The following EYS variants were observed in gnomAD, a reference collection of about 807,000 sequenced individuals.
The protein encoded by EYS is EGF-like photoreceptor maintenance factor, also known as protein eyes shut homolog.
A neutral mutation model predicts 282.1 loss-of-function variants in EYS; 250 were observed. The observed-to-expected ratio is 0.89, with a 90% CI of 0.80 to 0.98. The LOEUF is 0.98. Among genes scored for constraint, EYS ranks in the 50% least tolerant of loss-of-function variants. EYS has a pLI of 0.00. For missense variants in EYS, 4,016 were observed against 3,709.0 expected (o/e 1.08, Z -2.15); for synonymous variants, 1,355 against 1,282.9 (o/e 1.06, Z -1.20).
At chr6:64,421,753 T>A (rs1439455844) in intron 28 of EYS, among the ~76,000 whole-genome samples, 1 of 152,174 alleles carries the variant, frequency 6.6e-6, no homozygotes, top group Non-Finnish European at 1.5e-5. Context: ...ATCACCAATC[T>A]TTTGTAATAA....
chr6:64,810,935 G>A (rs1764572882), intron 22 of EYS, among the ~76,000 whole-genome samples: 1 of 151,952 alleles, frequency 6.6e-6, no homozygotes, highest in African/African-American at 2.4e-5. Flanking sequence ...AGAGTGACAT[G>A]ATTCTTTTTG....
chr6:65,694,329 T>C (rs781156492), intron 1 of EYS, among the ~76,000 whole-genome samples: 11 of 149,800 alleles, frequency 7.3e-5, no homozygotes, highest in Non-Finnish European at 1.5e-4. Context: ...TAAACTAGTA[T>C]GTAAATATTT....
chr6:65,494,949 A>G lies in EYS; in HGVS notation c.462T>C (p.Ser154=), dbSNP rs1291530765. The stretch of plus-strand genomic sequence containing the variant: ...GTCCCAGTGGACAAGGTGATGGACC[A>G]CTTGCCATAACTGTGATAAAATAAT... The part of the protein sequence containing the change: ...GTHYFITVMA[S]GPSPCPLGLR... The change falls in exon 4 of 43, where the codon AGT becomes AGC. Residue 154 remains serine (S), a synonymous_variant. Transcript: ENST00000503581. 5.6e-6 allele frequency: 9 copies of G among 1,614,064 alleles called. No homozygotes were observed. The highest frequency in any genetic ancestry group is 5.3e-5 in the African/African-American group (4 of 74,942).
chr6:64,836,443 T>C (rs1016138783), intron 19 of EYS, among the ~76,000 whole-genome samples: 4 of 151,620 alleles, frequency 2.6e-5, no homozygotes, highest in Non-Finnish European at 4.4e-5. Context: ...CACACACATA[T>C]ATTTTTGGGG....
chr6:64,336,403 C>T (rs1026521640), intron 29 of EYS, among the ~76,000 whole-genome samples: 1 of 151,864 alleles, frequency 6.6e-6, no homozygotes, highest in Non-Finnish European at 1.5e-5. Context: ...ATATAAAGGG[C>T]CTTGTCCAAC....
At chr6:64,978,419 T>A (rs941563849) in intron 14 of EYS, among the ~76,000 whole-genome samples, 12 of 151,962 alleles carry the variant, frequency 7.9e-5, no homozygotes, top group African/African-American at 2.9e-4. Context: ...AAGATTCGTT[T>A]CAAAATATTA....
At chr6:64,908,067 C>A (rs1767884586) in intron 16 of EYS, among the ~76,000 whole-genome samples, 2 of 152,260 alleles carry the variant, frequency 1.3e-5, no homozygotes, top group Admixed American at 6.5e-5. Context: ...TGCTATGTAT[C>A]CACAACTTGT....
intron 1 of EYS, among the ~76,000 whole-genome samples, chr6:65,642,639 T>C (rs1562305079): frequency 6.6e-6 from 1 of 152,294 alleles, no homozygotes; most frequent in Middle Eastern, 3.4e-3. Context: ...TTTTTAACTA[T>C]AGATAGGTCA....
intron 24 of EYS, among the ~76,000 whole-genome samples, chr6:64,606,386 A>G (rs932028079): frequency 2.6e-5 from 4 of 151,938 alleles, no homozygotes; most frequent in African/African-American, 4.8e-5. Flanking sequence ...TTTGGACTGC[A>G]TACCTTTATT....
At chr6:64,399,444 T>C (rs939888867) in intron 28 of EYS, among the ~76,000 whole-genome samples, 1 of 151,846 alleles carries the variant, frequency 6.6e-6, no homozygotes, top group Non-Finnish European at 1.5e-5. Flanking sequence ...TTATTGTCTA[T>C]TTAGTTTATT....
intron 8 of EYS, among the ~76,000 whole-genome samples, chr6:65,356,540 A>C (rs1459499484): frequency 6.6e-6 from 1 of 151,934 alleles, no homozygotes; most frequent in Non-Finnish European, 1.5e-5. Context: ...ACCAAATTTG[A>C]CTTCTGGCTT....
chr6:63,808,872 G>A (rs4710440), intron 36 of EYS, among the ~76,000 whole-genome samples: 78,539 of 151,914 alleles, frequency 0.52, 22,435 homozygotes, highest in African/African-American at 0.76. Flanking sequence ...TCCCATATCC[G>A]TTAAACATTG....
chr6:64,235,293 T>C (rs145148926), intron 30 of EYS, among the ~76,000 whole-genome samples: 2 of 132,130 alleles, frequency 1.5e-5, no homozygotes, highest in African/African-American at 5.6e-5. Flanking sequence ...CCTGTGTCCA[T>C]GTGTCCTCAT....
chr6:64,703,429 A>ATATATTTTT (rs869208549), intron 22 of EYS, among the ~76,000 whole-genome samples: 18 of 23,344 alleles, frequency 7.7e-4, no homozygotes, highest in African/African-American at 1.5e-3. Flanking sequence ...ATATATATAT[A>ATATATTTTT]TTTTTTTTTT....
chr6:64,494,165 T>G (rs1462896315), intron 26 of EYS, among the ~76,000 whole-genome samples: 1 of 151,590 alleles, frequency 6.6e-6, no homozygotes, highest in Non-Finnish European at 1.5e-5. Flanking sequence ...CATGCTATCC[T>G]CATTGTCTCA....
chr6:63,950,202 A>C (rs1213277307), intron 35 of EYS, among the ~76,000 whole-genome samples: 4 of 151,026 alleles, frequency 2.6e-5, no homozygotes, highest in African/African-American at 9.7e-5. Context: ...AACAAAAAAA[A>C]AAAACAAAAA....
rs185969402 is a variant in EYS at position 65,539,625 on chromosome 6, T to G, written c.-332-43632A>C. 3.9e-3 allele frequency among the ~76,000 whole-genome samples: 599 copies of G among 152,298 alleles called. 3 individuals carry two copies. Among genetic ancestry groups the G allele is most frequent in the Non-Finnish European group, 6.8e-3 (460 of 68,028 alleles). ...ATGGTTCTTATATATATCAAATATG[T>G]GTTGTATTTCTAGCTACTAAGAATG... On this transcript the variant is annotated intron_variant, in intron 2 of 42. Coordinates refer to ENST00000503581, the MANE Select transcript of EYS (RefSeq NM_001142800.2).
intron 26 of EYS, among the ~76,000 whole-genome samples, chr6:64,518,785 C>CCCT (rs371498939): frequency 1.0e-4 from 15 of 146,364 alleles, no homozygotes; most frequent in Non-Finnish European, 1.9e-4. Flanking sequence ...AAGGGGCCCC[C>CCCT]CCCTTCTCAG....
chr6:64,324,206 T>C (rs1770323904), intron 29 of EYS, among the ~76,000 whole-genome samples: 2 of 152,166 alleles, frequency 1.3e-5, no homozygotes, highest in African/African-American at 4.8e-5. Context: ...CCAATATCCC[T>C]GATGAACATA....
Sources: allele counts gnomAD v4.1 joint callset (sites outside exome capture counted in the v4.1 genomes callset), GRCh38; gene constraint gnomAD v4.1.1; transcripts MANE v1.5; gene names NCBI Gene and HGNC (gene_info 2026-07-23, HGNC 2026-07-21).